The following PIP5K1B variants were observed in gnomAD, a reference collection of about 807,000 sequenced individuals.
PIP5K1B encodes the protein phosphatidylinositol-4-phosphate 5-kinase type 1 beta, also known as phosphatidylinositol 4-phosphate 5-kinase type-1 beta.
Under a neutral mutation model 67.0 loss-of-function variants are expected in PIP5K1B, and 42 were observed. The ratio of observed to expected loss-of-function variants is 0.63; its 90% CI spans 0.49 to 0.81. The LOEUF (loss-of-function observed/expected upper bound fraction) is 0.81. Ranked by LOEUF, PIP5K1B falls within the 30% of genes least tolerant of loss-of-function variation. The pLI is 0.00. For synonymous variants in PIP5K1B, 214 were observed against 231.4 expected, an observed-to-expected ratio of 0.92 and a Z score of 0.68; for missense variants, 459 against 646.3, an observed-to-expected ratio of 0.71 and a Z score of 3.14.
chr9:68,799,035 A>T (rs1011975028), intron 2 of PIP5K1B, among the ~76,000 whole-genome samples: 1 of 152,222 alleles, frequency 6.6e-6, no homozygotes, highest in African/African-American at 2.4e-5. Flanking sequence ...GAGATGGGAA[A>T]GTTTGCAGGG....
chr9:68,904,305 C>T lies in PIP5K1B; in HGVS notation c.771+9667C>T, dbSNP rs536519956. Among the ~76,000 whole-genome samples, 15 of 152,268 alleles carry T rather than the reference C, an allele frequency of 9.9e-5. No homozygotes were observed. In the South Asian group the frequency reaches 2.3e-3, roughly 23 times the overall value. ...AGCATGGGCTAGAAGTGCTCAATGA[C>T]TGGTCACCTAACTCTGACAAGGAGA... is the stretch of plus-strand genomic sequence containing the variant. On this transcript the variant is annotated intron_variant, in intron 8 of 15. Coordinates refer to ENST00000265382, the MANE Select transcript of PIP5K1B (RefSeq NM_003558.4).
At chr9:68,730,466 A>T (rs578107822) in intron 1 of PIP5K1B, among the ~76,000 whole-genome samples, 16 of 152,238 alleles carry the variant, frequency 1.1e-4, no homozygotes, top group Admixed American at 1.0e-3. Context: ...AAAGTAAGCC[A>T]TGTCAGCAGA....
chr9:68,802,762 A>G (rs1832670157), intron 2 of PIP5K1B, among the ~76,000 whole-genome samples: 1 of 152,152 alleles, frequency 6.6e-6, no homozygotes, highest in Non-Finnish European at 1.5e-5. Flanking sequence ...CTGAGAGCTG[A>G]CAGTCATCCC....
At chr9:68,906,660 C>A (rs1402926152) in intron 8 of PIP5K1B, among the ~76,000 whole-genome samples, 1 of 152,174 alleles carries the variant, frequency 6.6e-6, no homozygotes, top group Non-Finnish European at 1.5e-5. Context: ...AGCCTTAATG[C>A]GAGCCTGGCT....
intron 14 of PIP5K1B, among the ~76,000 whole-genome samples, chr9:68,964,732 G>A (rs901051560): frequency 1.3e-5 from 2 of 152,202 alleles, no homozygotes; most frequent in Non-Finnish European, 2.9e-5. Flanking sequence ...TAGCTGAGCA[G>A]CCATCTGGGA....
At chr9:68,753,580 A>G (rs1224418014) in intron 2 of PIP5K1B, among the ~76,000 whole-genome samples, 1 of 118,244 alleles carries the variant, frequency 8.5e-6, no homozygotes, top group African/African-American at 3.3e-5. Context: ...GCTGGAGTGC[A>G]GTGGCGTGAT....
intron 14 of PIP5K1B, among the ~76,000 whole-genome samples, chr9:68,955,365 G>A (rs1026074990): frequency 4.6e-5 from 7 of 152,236 alleles, no homozygotes; most frequent in African/African-American, 1.7e-4. Context: ...GACTTTTCAA[G>A]TGCAAACAGA....
rs201369407 is a variant in PIP5K1B, at chr9:68,774,309, G to GGT, written c.-86+31661_-86+31662dup. Among the ~76,000 whole-genome samples, 19 of 152,078 alleles carry GGT rather than the reference G, an allele frequency of 1.2e-4. No homozygotes were observed. In the East Asian group the frequency reaches 3.7e-3, roughly 29 times the overall value. ...GGCCCCAATGAAATGCAACTTTAGG[G>GGT]GTGTGTGTGTTTCTCTTTTCTCTCT... On this transcript the variant is annotated intron_variant, in intron 2 of 15. Transcript: ENST00000265382.
At chr9:68,815,789 C>G (rs28484614) in intron 2 of PIP5K1B, among the ~76,000 whole-genome samples, 1 of 151,924 alleles carries the variant, frequency 6.6e-6, no homozygotes, top group Admixed American at 6.5e-5. Context: ...ATTAAGAAAT[C>G]AAATCAAAGA....
chr9:68,897,091 C>G (rs1453387305), intron 8 of PIP5K1B, among the ~76,000 whole-genome samples: 1 of 152,204 alleles, frequency 6.6e-6, no homozygotes, highest in Non-Finnish European at 1.5e-5. Flanking sequence ...AGCCTCAGTG[C>G]TGGCTGAGGG....
chr9:68,748,591 G>A (rs1307883569), intron 2 of PIP5K1B, among the ~76,000 whole-genome samples: 4 of 151,314 alleles, frequency 2.6e-5, no homozygotes, highest in African/African-American at 4.9e-5. Flanking sequence ...ACCACTCGGC[G>A]GCTGAGTTTC....
chr9:68,746,051 ATG>A (rs1338149548), intron 2 of PIP5K1B, among the ~76,000 whole-genome samples: 2 of 143,326 alleles, frequency 1.4e-5, no homozygotes, highest in African/African-American at 5.2e-5. Flanking sequence ...CTTTCCCCAC[ATG>A]TCTCTCTTCT....
At chr9:68,984,201 C>T (rs1239633186) in intron 14 of PIP5K1B, among the ~76,000 whole-genome samples, 1 of 152,072 alleles carries the variant, frequency 6.6e-6, no homozygotes, top group African/African-American at 2.4e-5. Context: ...AGAAACTTAC[C>T]CAGTATCACA....
chr9:68,951,317 A>C (rs915742716), intron 14 of PIP5K1B, among the ~76,000 whole-genome samples: 3 of 152,206 alleles, frequency 2.0e-5, no homozygotes, highest in African/African-American at 7.2e-5. Context: ...CATGGGGAAA[A>C]AAATAATGGT....
intron 8 of PIP5K1B, among the ~76,000 whole-genome samples, chr9:68,914,066 G>A (rs1223432854): frequency 1.3e-5 from 2 of 151,982 alleles, no homozygotes; most frequent in African/African-American, 4.8e-5. Flanking sequence ...AAAAATATAA[G>A]AAAAAGTATT....
intron 14 of PIP5K1B, among the ~76,000 whole-genome samples, chr9:68,968,914 T>A (rs1829191199): frequency 6.6e-6 from 1 of 152,088 alleles, no homozygotes; most frequent in African/African-American, 2.4e-5. Context: ...CTGGGGGTTT[T>A]ATTTGTAGAG....
At chr9:68,774,286 C>T (rs753695871) in intron 2 of PIP5K1B, among the ~76,000 whole-genome samples, 2 of 152,044 alleles carry the variant, frequency 1.3e-5, no homozygotes, top group Non-Finnish European at 2.9e-5. Context: ...GTGTTTAGGG[C>T]CCCAATGAAA....
chr9:68,809,451 C>A (rs566044286), intron 2 of PIP5K1B, among the ~76,000 whole-genome samples: 65 of 152,258 alleles, frequency 4.3e-4, no homozygotes, highest in African/African-American at 1.5e-3. Flanking sequence ...TTCATGAATC[C>A]ATATAAATTT....
At chr9:68,978,699 G>A (rs1417816999) in intron 14 of PIP5K1B, among the ~76,000 whole-genome samples, 1 of 152,162 alleles carries the variant, frequency 6.6e-6, no homozygotes, top group Non-Finnish European at 1.5e-5. Flanking sequence ...TTATTATGCT[G>A]ACAGTTCATT....
Sources: allele counts gnomAD v4.1 joint callset (sites outside exome capture counted in the v4.1 genomes callset), GRCh38; gene constraint gnomAD v4.1.1; transcripts MANE v1.5; gene names NCBI Gene and HGNC (gene_info 2026-07-23, HGNC 2026-07-21).